TRIP12: variants seen among roughly 807,000 people sequenced by gnomAD.
TRIP12 encodes the protein thyroid hormone receptor interactor 12.
In TRIP12, 25 loss-of-function variants were observed where a neutral mutation model predicts 244.2. The ratio of observed to expected loss-of-function variants is 0.10; its 90% confidence interval spans 0.07 to 0.14. The LOEUF (loss-of-function observed/expected upper bound fraction) is 0.14, where lower values mean the gene tolerates loss of function less well. TRIP12 is among the 10% of genes least tolerant of loss of function. The pLI is 1.00. For missense variants in TRIP12, 1,677 were observed against 2,486.4 expected, an observed-to-expected ratio of 0.67 and a Z score of 6.92; for synonymous variants, 905 against 873.1, an observed-to-expected ratio of 1.04 and a Z score of -0.64.
chr2:229,873,135 A>G (rs80135733), intron 2 of TRIP12, among the ~76,000 whole-genome samples: 4 of 152,234 alleles, frequency 2.6e-5, no homozygotes, highest in African/African-American at 9.6e-5. Context: ...CAATAAAACA[A>G]GAATAAGGGT....
In TRIP12 at chr2:229,859,282, T is replaced by C; in HGVS notation, c.517A>G (p.Ser173Gly). The C allele has an allele frequency of 6.2e-7, 1 of 1,614,232 alleles. No homozygotes were observed. Among genetic ancestry groups the C allele is most frequent in the Non-Finnish European group, 8.5e-7 (1 of 1,180,036 alleles). ...QLKSAQSPST[S>G]KAHTRKSGAT... ...CCACTCTTCCTGGTATGAGCCTTGC[T>C]TGTTGATGGTGATTGTGCAGATTTC... The change falls in exon 4 of 42, where the codon AGC becomes GGC. Residue 173 changes from serine (S) to glycine (G), a missense_variant. This residue lies in a region of TRIP12 where 387 missense variants were observed against 392.6 expected (regional missense o/e 0.99). Coordinates refer to ENST00000675903, the MANE Select transcript of TRIP12 (RefSeq NM_001348323.3).
chr2:229,922,882 C>G (rs190804056), upstream of TRIP12, among the ~76,000 whole-genome samples: 201 of 152,310 alleles, frequency 1.3e-3, no homozygotes, highest in African/African-American at 3.8e-3. Flanking sequence ...GGCTTCTTAC[C>G]CGTAGAGTTT....
At chr2:229,795,355 G>A (rs376535933) in intron 25 of TRIP12, 25 bp from the exon 26 acceptor site, 3 of 1,591,812 alleles carry the variant, frequency 1.9e-6, no homozygotes, top group African/African-American at 2.7e-5. Context: ...AAACAAACAG[G>A]TTAAACAAAG....
chr2:229,831,003 C>T, intron 6 of TRIP12, 164 bp from the exon 7 acceptor site: 3 of 683,592 alleles, frequency 4.4e-6, no homozygotes, highest in South Asian at 1.7e-5. Flanking sequence ...TATCCTGTAG[C>T]TTTTAGGAAT....
chr2:229,847,665 G>C (rs2057849037), intron 4 of TRIP12, among the ~76,000 whole-genome samples: 2 of 152,168 alleles, frequency 1.3e-5, no homozygotes, highest in South Asian at 4.1e-4. Context: ...ACTGACACCA[G>C]AGAAACCCAA....
chr2:229,881,783 G>A (rs2064936157), intron 1 of TRIP12, among the ~76,000 whole-genome samples: 1 of 152,184 alleles, frequency 6.6e-6, no homozygotes. Context: ...TGTATACCAA[G>A]AAGACTTGTA....
intron 34 of TRIP12, among the ~76,000 whole-genome samples, chr2:229,779,313 T>G (rs2037313075): frequency 6.6e-6 from 1 of 152,180 alleles, no homozygotes. Context: ...GTCTTTCCCC[T>G]TTTTCTCTTT....
At chr2:229,906,835 A>AT (rs1196258359) in intron 1 of TRIP12, among the ~76,000 whole-genome samples, 19 of 152,148 alleles carry the variant, frequency 1.2e-4, no homozygotes, top group African/African-American at 4.6e-4. Flanking sequence ...TTTTTGCAAG[A>AT]TTTTTATAAA....
Position 229,804,245 on chromosome 2 carries a change from A to T in TRIP12, c.2651-18T>A, listed in dbSNP as rs186280664. 1.2e-3 allele frequency: 1,981 copies of T among 1,585,830 alleles called. 6 individuals carry two copies. The highest frequency in any genetic ancestry group is 2.5e-3 in the African/African-American group (181 of 73,688). The stretch of plus-strand genomic sequence containing the variant: ...ATATCCACCTATTACATTAAAAAAA[A>T]ATATATGTGCAATCCTGAAGTGACA... On this transcript the variant is annotated intron_variant, in intron 18 of 41. Coordinates refer to ENST00000675903, the MANE Select transcript of TRIP12 (RefSeq NM_001348323.3).
chr2:229,920,860 T>C (rs1486923981), intron 1 of TRIP12, among the ~76,000 whole-genome samples: 2 of 152,176 alleles, frequency 1.3e-5, no homozygotes, highest in African/African-American at 4.8e-5. Flanking sequence ...CCCTCTAACT[T>C]GTTCCTGTAC....
At chr2:229,805,369 T>C (rs576617884) in intron 18 of TRIP12, among the ~76,000 whole-genome samples, 31 of 152,228 alleles carry the variant, frequency 2.0e-4, no homozygotes, top group Non-Finnish European at 4.3e-4. Context: ...TAATCACAAT[T>C]ATCTGTCCTT....
intron 8 of TRIP12, among the ~76,000 whole-genome samples, chr2:229,824,943 A>C (rs917211069): frequency 6.6e-6 from 1 of 152,226 alleles, no homozygotes; most frequent in African/African-American, 2.4e-5. Flanking sequence ...GCAAAACATA[A>C]ATTTTAAAAA....
chr2:229,799,181 T>A, intron 22 of TRIP12, 102 bp downstream of exon 22: 1 of 1,517,914 alleles, frequency 6.6e-7, no homozygotes, highest in Non-Finnish European at 9.1e-7. Context: ...CTCAGGAAAC[T>A]TAGGCATACT....
chr2:229,872,114 A>T, intron 2 of TRIP12, among the ~76,000 whole-genome samples: 2 of 124,048 alleles, frequency 1.6e-5, no homozygotes, highest in East Asian at 2.2e-4. Flanking sequence ...TAAAAAAAAA[A>T]AAAAAAAAAA....
chr2:229,812,246 T>C (rs916596155), intron 13 of TRIP12, among the ~76,000 whole-genome samples: 1 of 151,980 alleles, frequency 6.6e-6, no homozygotes, highest in Non-Finnish European at 1.5e-5. Context: ...CACACCCGGC[T>C]AATTTTTTAT....
intron 4 of TRIP12, among the ~76,000 whole-genome samples, chr2:229,851,231 A>C (rs2058647067): frequency 6.6e-6 from 1 of 152,150 alleles, no homozygotes; most frequent in Non-Finnish European, 1.5e-5. Flanking sequence ...GGGATTGTAA[A>C]TCGGCACTCT....
At chr2:229,881,310 T>C (rs562624410) in intron 1 of TRIP12, among the ~76,000 whole-genome samples, 3 of 152,322 alleles carry the variant, frequency 2.0e-5, no homozygotes, top group South Asian at 2.1e-4. Flanking sequence ...ATAACAATCA[T>C]AGAATTACGA....
rs569883053 is a variant in TRIP12, at chr2:229,795,889, T to C, written c.3817-559A>G. On this transcript the variant is annotated intron_variant, in intron 25 of 41. Transcript: ENST00000675903. ...CTTTAGGTTGACTCACAAGTTAAAATACAAGCAATGCTCAAATGCCTCTGA... is the reference window on the plus strand; with the variant it reads ...CTTTAGGTTGACTCACAAGTTAAAACACAAGCAATGCTCAAATGCCTCTGA... Among the ~76,000 whole-genome samples, 198 of 152,342 alleles carry C rather than the reference T, an allele frequency of 1.3e-3. 2 individuals are homozygous for C. Among genetic ancestry groups the C allele is most frequent in the Admixed American group, 2.6e-3 (40 of 15,306 alleles).
At chr2:229,913,115 G>T (rs566897056) in intron 1 of TRIP12, among the ~76,000 whole-genome samples, 7 of 152,226 alleles carry the variant, frequency 4.6e-5, no homozygotes, top group Non-Finnish European at 8.8e-5. Flanking sequence ...CTCCCTAGGG[G>T]TTGGAATTAC....
Sources: gnomAD v4.1 joint callset for allele counts (sites outside exome capture counted in the v4.1 genomes callset) on GRCh38, gnomAD v4.1.1 for gene constraint, gnomAD v4.1.1 regional missense constraint, MANE v1.5 for transcripts, NCBI Gene and HGNC (gene_info 2026-07-23, HGNC 2026-07-21) for gene names.